FIG4: variants seen among roughly 807,000 people sequenced by gnomAD.
The protein encoded by FIG4 is polyphosphoinositide phosphatase.
A neutral mutation model predicts 118.6 loss-of-function variants in FIG4; 112 were observed. The observed-to-expected ratio is 0.94, with a 90% CI of 0.81 to 1.11. The LOEUF is 1.11. Among genes scored for constraint, FIG4 ranks in the 50% least tolerant of loss-of-function variants. FIG4 has a pLI of 0.00. For synonymous variants in FIG4, 369 were observed against 381.2 expected (o/e 0.97, Z 0.37); for missense variants, 969 against 1,111.7 (o/e 0.87, Z 1.83).
chr6:109,762,834 TC>T (rs1777153144), intron 12 of FIG4, among the ~76,000 whole-genome samples: 1 of 152,078 alleles, frequency 6.6e-6, no homozygotes, highest in Non-Finnish European at 1.5e-5. Flanking sequence ...CCAAGACTAG[TC>T]CCAGATTTCA....
intron 3 of FIG4, among the ~76,000 whole-genome samples, chr6:109,717,285 A>G (rs1775463546): frequency 6.6e-6 from 1 of 152,206 alleles, no homozygotes. Flanking sequence ...CAAACGTGAT[A>G]TTGATCTCTT....
At chr6:109,743,616 T>G (rs1240697262) in intron 9 of FIG4, 59 bp from the exon 10 acceptor site, 46 of 1,290,298 alleles carry the variant, frequency 3.6e-5, no homozygotes, top group Non-Finnish European at 4.8e-5. Flanking sequence ...ACCCTATGCT[T>G]CTTTTATTTT....
At chr6:109,768,841 C>T (rs1020058840) in intron 15 of FIG4, among the ~76,000 whole-genome samples, 1 of 152,120 alleles carries the variant, frequency 6.6e-6, no homozygotes, top group Non-Finnish European at 1.5e-5. Context: ...CAAAACAGCA[C>T]AAACCGGTGG....
rs570735096 is a variant in FIG4, at chr6:109,761,950, T to G, written c.1272-141T>G. 7.4e-5 allele frequency: 48 copies of G among 645,708 alleles called. No homozygotes were observed. In the African/African-American group the frequency reaches 8.2e-4, roughly 11 times the overall value. The allele number at this position is 645,708 out of a possible 1,614,324, so 40.0% of individuals were successfully genotyped here. On this transcript the variant is annotated intron_variant, in intron 11 of 22. Transcript: ENST00000230124. The stretch of plus-strand genomic sequence containing the variant: ...TTATATTCTAGACATTGTTACATGT[T>G]TCTATCAAGTACCAGCCAAGAGATT...
At chr6:109,768,886 G>A (rs746406768) in intron 15 of FIG4, among the ~76,000 whole-genome samples, 1 of 152,074 alleles carries the variant, frequency 6.6e-6, no homozygotes. Context: ...CTTGCAGTTC[G>A]GGAGGCTAGG....
At chr6:109,824,278 G>A (rs1583784577) in intron 22 of FIG4, among the ~76,000 whole-genome samples, 1 of 152,330 alleles carries the variant, frequency 6.6e-6, no homozygotes, top group East Asian at 1.9e-4. Context: ...TCATCCAAAA[G>A]CCGGAGGCTA....
intron 10 of FIG4, among the ~76,000 whole-genome samples, chr6:109,749,055 C>CTGTGTGTGTGTGTGTG (rs113357544): frequency 2.4e-3 from 323 of 132,476 alleles, no homozygotes; most frequent in East Asian, 6.3e-3. Flanking sequence ...CAAAGGAGCT[C>CTGTGTGTGTGTGTGTG]TGTGTGTGTG....
At chr6:109,773,356 A>C (rs569263628) in intron 15 of FIG4, among the ~76,000 whole-genome samples, 1 of 152,162 alleles carries the variant, frequency 6.6e-6, no homozygotes, top group African/African-American at 2.4e-5. Context: ...TTGGGGGCCA[A>C]ATTTCTTCCT....
At chr6:109,784,341 G>A (rs1777890590) in intron 16 of FIG4, among the ~76,000 whole-genome samples, 1 of 152,126 alleles carries the variant, frequency 6.6e-6, no homozygotes, top group South Asian at 2.1e-4. Context: ...ATCCAGACAG[G>A]TGACATTCTT....
chr6:109,757,453 G>A (rs762614396), intron 10 of FIG4, among the ~76,000 whole-genome samples: 4 of 152,144 alleles, frequency 2.6e-5, no homozygotes, highest in Admixed American at 2.6e-4. Context: ...GGTATTGATG[G>A]AACATATCTC....
At chr6:109,823,432 C>A (rs910672346) in intron 22 of FIG4, among the ~76,000 whole-genome samples, 1 of 152,264 alleles carries the variant, frequency 6.6e-6, no homozygotes, top group East Asian at 1.9e-4. Flanking sequence ...AATGTAGTCT[C>A]CAGTCATCTC....
At chr6:109,697,576 C>A (rs1049899350) in intron 1 of FIG4, among the ~76,000 whole-genome samples, 55 of 152,098 alleles carry the variant, frequency 3.6e-4, no homozygotes, top group African/African-American at 1.3e-3. Context: ...GCAAGAGAAA[C>A]AAGGAGGAAA....
intron 22 of FIG4, among the ~76,000 whole-genome samples, chr6:109,818,933 C>G (rs572576823): frequency 6.6e-6 from 1 of 152,200 alleles, no homozygotes; most frequent in Admixed American, 6.5e-5. Flanking sequence ...GCACACTAGA[C>G]GGGGAATGCA....
chr6:109,804,012 T>C (rs911702709), intron 22 of FIG4, among the ~76,000 whole-genome samples: 1 of 152,164 alleles, frequency 6.6e-6, no homozygotes, highest in Non-Finnish European at 1.5e-5. Flanking sequence ...GGTTTAAACA[T>C]TTTCTAAGGA....
At chr6:109,807,389 G>C (rs1448385794) in intron 22 of FIG4, among the ~76,000 whole-genome samples, 1 of 152,082 alleles carries the variant, frequency 6.6e-6, no homozygotes, top group African/African-American at 2.4e-5. Context: ...ATATATATTT[G>C]TTGGCCGCAT....
chr6:109,789,712 T>A (rs553254530), intron 19 of FIG4, 35 bp downstream of exon 19: 85 of 1,443,274 alleles, frequency 5.9e-5, no homozygotes, highest in Non-Finnish European at 7.8e-5. Context: ...CTTTAAAGAT[T>A]TGTGTAAAAG....
At chr6:109,747,335 A>G (rs960475325) in intron 10 of FIG4, among the ~76,000 whole-genome samples, 1 of 152,126 alleles carries the variant, frequency 6.6e-6, no homozygotes, top group African/African-American at 2.4e-5. Context: ...CTTAATGCCC[A>G]TTTAGAGTGG....
intron 5 of FIG4, 98 bp downstream of exon 5, chr6:109,732,785 T>C: frequency 1.4e-6 from 1 of 692,132 alleles, no homozygotes; most frequent in Admixed American, 2.4e-5. Context: ...GTACTTCTCT[T>C]TCATTTTAGT....
intron 1 of FIG4, among the ~76,000 whole-genome samples, chr6:109,700,226 TA>T (rs1200950522): frequency 6.6e-6 from 1 of 152,176 alleles, no homozygotes; most frequent in Non-Finnish European, 1.5e-5. Context: ...TTTTCTAATA[TA>T]AAACATTTAA....
Sources: allele counts gnomAD v4.1 joint callset (sites outside exome capture counted in the v4.1 genomes callset), GRCh38; gene constraint gnomAD v4.1.1; transcripts MANE v1.5; gene names NCBI Gene and HGNC (gene_info 2026-07-23, HGNC 2026-07-21).